Variants in AIG1 observed in about 807,000 individuals in gnomAD.
AIG1 encodes the protein androgen induced 1, also known as androgen-induced gene 1 protein.
A neutral mutation model predicts 31.4 loss-of-function variants in AIG1; 23 were observed. The ratio of observed to expected loss-of-function variants is 0.73; its 90% confidence interval spans 0.53 to 1.04. The LOEUF is 1.04. Ranked by LOEUF, AIG1 falls within the 50% of genes least tolerant of loss-of-function variation. AIG1 has a pLI of 0.00. For synonymous variants in AIG1, 100 were observed against 110.5 expected (o/e 0.90, Z 0.60); for missense variants, 274 against 295.0 (o/e 0.93, Z 0.52).
At chr6:143,281,011 C>T (rs769312459) in intron 3 of AIG1, among the ~76,000 whole-genome samples, 28 of 152,172 alleles carry the variant, frequency 1.8e-4, no homozygotes, top group Non-Finnish European at 3.1e-4. Flanking sequence ...TGTTTTGAGG[C>T]CCAACCAAAA....
intron 4 of AIG1, among the ~76,000 whole-genome samples, chr6:143,287,893 G>T (rs17072425): frequency 0.012 from 1,876 of 151,834 alleles, 40 homozygotes; most frequent in African/African-American, 0.043. Flanking sequence ...ACTCATTCTG[G>T]ATCACTTGCA....
At chr6:143,250,774 A>G (rs982077991) in intron 3 of AIG1, among the ~76,000 whole-genome samples, 1 of 152,154 alleles carries the variant, frequency 6.6e-6, no homozygotes, top group Non-Finnish European at 1.5e-5. Flanking sequence ...CTTTGAATGC[A>G]CCCCAACACA....
chr6:143,146,378 A>G (rs1468302659), intron 2 of AIG1, among the ~76,000 whole-genome samples: 13 of 152,270 alleles, frequency 8.5e-5, no homozygotes, highest in Middle Eastern at 3.4e-3. Flanking sequence ...GATCTTATAT[A>G]TGCCCTTGTT....
chr6:143,224,365 A>C (rs1792774216), intron 3 of AIG1, among the ~76,000 whole-genome samples: 1 of 152,162 alleles, frequency 6.6e-6, no homozygotes, highest in African/African-American at 2.4e-5. Flanking sequence ...GAATAGTAGG[A>C]GGTTCTGGGG....
At chr6:143,195,806 G>C (rs779338976) in intron 3 of AIG1, among the ~76,000 whole-genome samples, 1 of 152,198 alleles carries the variant, frequency 6.6e-6, no homozygotes, top group Non-Finnish European at 1.5e-5. Context: ...GCTGGCACAG[G>C]TGCTCCCGAG....
chr6:143,280,393 A>G lies in AIG1; in HGVS notation c.400-3717A>G, dbSNP rs1265390742. On this transcript the variant is annotated intron_variant, in intron 3 of 5. Coordinates refer to ENST00000357847, the MANE Select transcript of AIG1 (RefSeq NM_016108.4). The surrounding 1 kb of genome is among the most constrained non-coding windows in gnomAD (Gnocchi z 4.1). ...TGGGTACGTGCCCAGAAGAATAGAAATCATTCTACCATAAAGATATATGTG... is the reference window on the plus strand; with the variant it reads ...TGGGTACGTGCCCAGAAGAATAGAAGTCATTCTACCATAAAGATATATGTG... Among the ~76,000 whole-genome samples, 1 of 152,224 alleles carries G rather than the reference A, an allele frequency of 6.6e-6. No homozygotes were observed. Among genetic ancestry groups the G allele is most frequent in the African/African-American group, 2.4e-5 (1 of 41,458 alleles).
At chr6:143,226,181 A>G (rs1306122785) in intron 3 of AIG1, among the ~76,000 whole-genome samples, 1 of 152,088 alleles carries the variant, frequency 6.6e-6, no homozygotes, top group Non-Finnish European at 1.5e-5. Context: ...GACAAGAGTC[A>G]CATCTGTTCA....
intron 4 of AIG1, among the ~76,000 whole-genome samples, chr6:143,290,826 A>G (rs1157723867): frequency 6.6e-6 from 1 of 152,012 alleles, no homozygotes; most frequent in Non-Finnish European, 1.5e-5. Context: ...TAAGTATCTC[A>G]CATTCTGAAG....
chr6:143,343,407 G>A (rs1035229784), downstream of AIG1: 3 of 534,538 alleles, frequency 5.6e-6, no homozygotes, highest in African/African-American at 3.8e-5. Flanking sequence ...CAGTACCGGT[G>A]CACCTGTCTT....
At chr6:143,305,359 T>A (rs1252372801) in intron 4 of AIG1, among the ~76,000 whole-genome samples, 1 of 152,204 alleles carries the variant, frequency 6.6e-6, no homozygotes, top group Non-Finnish European at 1.5e-5. Flanking sequence ...TTTGTGGGCA[T>A]TTAGTGCTAT....
chr6:143,232,245 C>T (rs567223907), intron 3 of AIG1, among the ~76,000 whole-genome samples: 1 of 152,268 alleles, frequency 6.6e-6, no homozygotes, highest in South Asian at 2.1e-4. Flanking sequence ...TCTGAATTAG[C>T]AGTGTTTCCT....
intron 3 of AIG1, among the ~76,000 whole-genome samples, chr6:143,209,058 GTC>G (rs1337374083): frequency 6.6e-6 from 1 of 152,178 alleles, no homozygotes; most frequent in Non-Finnish European, 1.5e-5. Flanking sequence ...ACCCCTGAGT[GTC>G]TCTCTGCACT....
intron 3 of AIG1, among the ~76,000 whole-genome samples, chr6:143,203,247 A>G (rs1790843717): frequency 6.6e-6 from 1 of 152,224 alleles, no homozygotes; most frequent in Admixed American, 6.5e-5. Flanking sequence ...ACATAGCTAG[A>G]CAGTCCTGTG....
At chr6:143,145,256 C>T (rs1312135112) in intron 2 of AIG1, among the ~76,000 whole-genome samples, 4 of 152,182 alleles carry the variant, frequency 2.6e-5, no homozygotes, top group Non-Finnish European at 2.9e-5. Context: ...AACTCCTGAG[C>T]TCAAGCGATC....
chr6:143,258,100 A>G lies in AIG1; in HGVS notation c.400-26010A>G, dbSNP rs9403470. ...TCCTCCAATTGAATCCATGGTATCA[A>G]CAGTATTTGAATCTAGGTATCCCTA... On this transcript the variant is annotated intron_variant, in intron 3 of 5. Coordinates refer to ENST00000357847, the MANE Select transcript of AIG1 (RefSeq NM_016108.4). This position sits in a 1 kb window ranked among gnomAD's most constrained non-coding sequence, Gnocchi z 4.7. 0.01 allele frequency among the ~76,000 whole-genome samples: 1,572 copies of G among 152,350 alleles called. 45 individuals are homozygous for G. Among genetic ancestry groups the G allele is most frequent in the East Asian group, 0.065 (337 of 5,188 alleles).
rs1777336769 is a variant in AIG1 at position 143,334,589 on chromosome 6, G to C, written c.679+1144G>C. Among the ~76,000 whole-genome samples the C allele has an allele frequency of 6.6e-6, 1 of 152,216 alleles. No individual in the cohort carries two copies. Among genetic ancestry groups the C allele is most frequent in the Non-Finnish European group, 1.5e-5 (1 of 68,040 alleles). ...CATTTTTAATTCTGTTCAGGCCACA[G>C]CTTGGGGAACAAGACACTAATCTTT... On this transcript the variant is annotated intron_variant, in intron 5 of 5. Coordinates refer to ENST00000357847, the MANE Select transcript of AIG1 (RefSeq NM_016108.4). The surrounding 1 kb of genome is among the most constrained non-coding windows in gnomAD (Gnocchi z 5.1).
At chr6:143,079,642 C>T (rs577027435) in intron 1 of AIG1, among the ~76,000 whole-genome samples, 19 of 152,224 alleles carry the variant, frequency 1.2e-4, no homozygotes, top group Middle Eastern at 6.8e-3. Flanking sequence ...AACATTTTTC[C>T]GTGCCATTAT....
chr6:143,259,578 G>T (rs1167955566), intron 3 of AIG1, among the ~76,000 whole-genome samples: 1 of 152,110 alleles, frequency 6.6e-6, no homozygotes, highest in Non-Finnish European at 1.5e-5. Context: ...AATTATAGCT[G>T]CATTTATCAC....
chr6:143,170,539 G>T, intron 3 of AIG1, among the ~76,000 whole-genome samples: 1 of 150,118 alleles, frequency 6.7e-6, no homozygotes, highest in African/African-American at 2.4e-5. Flanking sequence ...TTTTTTCTTA[G>T]TCTACCTAAT....
Sources: gnomAD v4.1 joint callset for allele counts (sites outside exome capture counted in the v4.1 genomes callset) on GRCh38, gnomAD v4.1.1 for gene constraint, Gnocchi (gnomAD v3.1) non-coding constraint, MANE v1.5 for transcripts, NCBI Gene and HGNC (gene_info 2026-07-23, HGNC 2026-07-21) for gene names.